The following PTPRZ1 variants were observed in gnomAD, a reference collection of about 807,000 sequenced individuals.
The protein encoded by PTPRZ1 is receptor-type tyrosine-protein phosphatase zeta.
A neutral mutation model predicts 214.1 loss-of-function variants in PTPRZ1; 82 were observed. That is an observed-to-expected ratio of 0.38 (90% CI 0.32 to 0.46). The LOEUF is 0.46. Ranked by LOEUF, PTPRZ1 falls within the 20% of genes least tolerant of loss-of-function variation. The pLI, the probability that PTPRZ1 is intolerant of heterozygous loss-of-function variation, is 1.00. For missense variants in PTPRZ1, 2,603 were observed against 2,748.7 expected (o/e 0.95, Z 1.19); for synonymous variants, 945 against 987.9 (o/e 0.96, Z 0.81).
intron 1 of PTPRZ1, among the ~76,000 whole-genome samples, chr7:121,920,991 A>T (rs1308060225): frequency 6.6e-6 from 1 of 152,134 alleles, no homozygotes; most frequent in African/African-American, 2.4e-5. Context: ...AGAGAAACAT[A>T]CATGCATGGG....
At position 122,034,123 on chromosome 7, in the gene PTPRZ1, A is replaced by G; in HGVS notation, c.5187+8A>G. 2 of 1,594,170 alleles carry G rather than the reference A, an allele frequency of 1.3e-6. No individual in the cohort carries two copies. The highest frequency in any genetic ancestry group is 1.7e-6 in the Non-Finnish European group (2 of 1,162,592). On this transcript the variant is annotated splice_region_variant and intron_variant, in intron 16 of 29. Coordinates refer to ENST00000393386, the MANE Select transcript of PTPRZ1 (RefSeq NM_002851.3). ...CTGAAAGAGTTTTACCAGGTAAGGC[A>G]TTATTTCACTGCATTTTCTTTTAGC...
rs115344019 is a variant in PTPRZ1, at chr7:122,048,661, A to G, written c.6085-2767A>G. On this transcript the variant is annotated intron_variant, in intron 23 of 29. Transcript: ENST00000393386. ...GAAATGAAAACTAAAAAGAATTTTT[A>G]AAGGAAAAATATAATGAAAATACAC... Among the ~76,000 whole-genome samples, 780 of 152,272 alleles carry G rather than the reference A, an allele frequency of 5.1e-3. 11 individuals are homozygous for G. The highest frequency in any genetic ancestry group is 0.017 in the African/African-American group (717 of 41,568).
At chr7:121,947,851 G>A (rs1018372709) in intron 2 of PTPRZ1, among the ~76,000 whole-genome samples, 39 of 151,994 alleles carry the variant, frequency 2.6e-4, no homozygotes, top group African/African-American at 8.2e-4. Flanking sequence ...CTTTTAATGT[G>A]CATACTGAAA....
At chr7:122,017,538 CATTT>C (rs3069214) in intron 12 of PTPRZ1, among the ~76,000 whole-genome samples, 3,479 of 140,146 alleles carry the variant, frequency 0.025, 102 homozygotes, top group Non-Finnish European at 0.029. Context: ...TGATACATTA[CATTT>C]ATTTATTTAT....
rs150730018 is a variant in PTPRZ1 at position 122,010,546 on chromosome 7, A to C, written c.1500A>C (p.Leu500Phe). 6.2e-7 allele frequency: 1 copy of C among 1,613,438 alleles called. No individual in the cohort carries two copies. The highest frequency in any genetic ancestry group is 8.5e-7 in the Non-Finnish European group (1 of 1,179,420). Residue 500 changes from leucine to phenylalanine, a missense_variant, in exon 12 of 30, where the codon TTA (leucine) becomes TTC (phenylalanine). By Grantham distance (22) the Leu-to-Phe change is conservative. Transcript: ENST00000393386. ...AGGGTGATGTTCCCAATACATCTTT[A>C]AATTCCACTTCCCAACCAGTCACTA... ...SGKGDVPNTS[L>F]NSTSQPVTKL... is the part of the protein sequence containing the mutation.
In PTPRZ1 at chr7:122,011,789, G is replaced by T; in HGVS notation, c.2743G>T (p.Ala915Ser). 1 of 1,614,120 alleles carries T rather than the reference G, an allele frequency of 6.2e-7. No homozygotes were observed. The highest frequency in any genetic ancestry group is 8.5e-7 in the Non-Finnish European group (1 of 1,179,976). Residue 915 changes from alanine to serine, a missense_variant, in exon 12 of 30, where the codon GCC becomes TCC. This residue lies in a region of PTPRZ1 where 1,913 missense variants were observed against 1,914.3 expected (regional missense o/e 1.00). Coordinates refer to ENST00000393386, the MANE Select transcript of PTPRZ1 (RefSeq NM_002851.3). ...TCAAGTTGAACCACCCAGCAGTGATGCCATGATGCATGCACGTTCTTCAGG... is the reference window on the plus strand; with the variant it reads ...TCAAGTTGAACCACCCAGCAGTGATTCCATGATGCATGCACGTTCTTCAGG... ...FSQVEPPSSD[A>S]MMHARSSGPE...
chr7:121,967,640 AAGTT>A (rs1487904165), intron 2 of PTPRZ1, among the ~76,000 whole-genome samples: 1 of 152,188 alleles, frequency 6.6e-6, no homozygotes. Context: ...GCTTGCATAA[AAGTT>A]AGTTCTCATT....
intron 25 of PTPRZ1, among the ~76,000 whole-genome samples, chr7:122,053,687 C>T (rs1192981370): frequency 1.3e-5 from 2 of 151,988 alleles, no homozygotes; most frequent in African/African-American, 4.8e-5. Flanking sequence ...CACAGTATTG[C>T]TGTGAGGAAC....
At chr7:121,878,325 C>T (rs928794931) in intron 1 of PTPRZ1, among the ~76,000 whole-genome samples, 14 of 152,178 alleles carry the variant, frequency 9.2e-5, no homozygotes, top group Non-Finnish European at 1.8e-4. Flanking sequence ...TGGAACATCT[C>T]CATCTGGCAG....
intron 13 of PTPRZ1, among the ~76,000 whole-genome samples, chr7:122,027,841 T>A (rs1799247488): frequency 2.0e-5 from 3 of 152,198 alleles, no homozygotes; most frequent in Admixed American, 2.0e-4. Flanking sequence ...ATATTCATTC[T>A]CGAAACCCTC....
chr7:121,911,599 T>C (rs1795279482), intron 1 of PTPRZ1, among the ~76,000 whole-genome samples: 1 of 152,104 alleles, frequency 6.6e-6, no homozygotes, highest in Admixed American at 6.6e-5. Flanking sequence ...ATTCTTAACT[T>C]CTTCCTTCTC....
rs1043438116 is a variant in PTPRZ1, at chr7:122,031,680, G to A, written c.5166+121G>A. ...CCATTTGCACTTCTAGTAAAAATAT[G>A]AGTTCCATAATTACATATGTGTTTA... On this transcript the variant is annotated intron_variant, in intron 15 of 29. Coordinates refer to ENST00000393386, the MANE Select transcript of PTPRZ1 (RefSeq NM_002851.3). 1.1e-5 allele frequency: 7 copies of A among 612,082 alleles called. No homozygotes were observed. In the South Asian group the frequency reaches 1.3e-4, roughly 11 times the overall value. 37.9% of individuals were successfully genotyped at this position (612,082 alleles called of 1,614,324 possible).
At chr7:122,017,112 G>A (rs1268408049) in intron 12 of PTPRZ1, among the ~76,000 whole-genome samples, 2 of 152,108 alleles carry the variant, frequency 1.3e-5, no homozygotes, top group Non-Finnish European at 2.9e-5. Context: ...CAAGGACTTT[G>A]CTAAGTGAAT....
At chr7:121,876,168 T>C (rs1049513562) in intron 1 of PTPRZ1, among the ~76,000 whole-genome samples, 1 of 152,198 alleles carries the variant, frequency 6.6e-6, no homozygotes, top group Admixed American at 6.5e-5. Context: ...CAAATAACTT[T>C]CCAGACAAAA....
chr7:121,922,410 A>C (rs1227629761), intron 1 of PTPRZ1, among the ~76,000 whole-genome samples: 1 of 152,068 alleles, frequency 6.6e-6, no homozygotes, highest in South Asian at 2.1e-4. Flanking sequence ...TAAAAAAATT[A>C]GCTGGGCATG....
At chr7:122,019,998 CAT>C (rs1448849787) in intron 13 of PTPRZ1, among the ~76,000 whole-genome samples, 18 of 152,190 alleles carry the variant, frequency 1.2e-4, no homozygotes, top group Admixed American at 3.3e-4. Context: ...TATAAGGAAT[CAT>C]ATGTGTAAAC....
chr7:121,996,794 A>G (rs1324094568), intron 9 of PTPRZ1, among the ~76,000 whole-genome samples: 1 of 152,234 alleles, frequency 6.6e-6, no homozygotes, highest in Non-Finnish European at 1.5e-5. Flanking sequence ...TTTGCCAACA[A>G]TAACACTATA....
chr7:122,011,472 C>G lies in PTPRZ1; in HGVS notation c.2426C>G (p.Ser809Cys). The G allele has an allele frequency of 6.2e-7, 1 of 1,614,040 alleles. No individual in the cohort carries two copies. ...CCCAGTGTCGATGTGTCATTTGAAT[C>G]CATCCTGTCTTCCTATGATGGTGCA... is the stretch of plus-strand genomic sequence containing the variant. ...VFPSVDVSFE[S>C]ILSSYDGAPL... The change falls in exon 12 of 30, where the codon TCC (serine) becomes TGC (cysteine). Residue 809 changes from serine to cysteine, a missense_variant. This residue lies in a region of PTPRZ1 where 1,913 missense variants were observed against 1,914.3 expected (regional missense o/e 1.00). Coordinates refer to ENST00000393386, the MANE Select transcript of PTPRZ1 (RefSeq NM_002851.3).
At chr7:122,001,483 G>T (rs1221964407) in intron 10 of PTPRZ1, among the ~76,000 whole-genome samples, 1 of 152,130 alleles carries the variant, frequency 6.6e-6, no homozygotes, top group Non-Finnish European at 1.5e-5. Flanking sequence ...TCTTGTTACT[G>T]TGTGCTTTCA....
Sources: allele counts gnomAD v4.1 joint callset (sites outside exome capture counted in the v4.1 genomes callset), GRCh38; gene constraint gnomAD v4.1.1; regional missense constraint gnomAD v4.1.1; transcripts MANE v1.5; gene names NCBI Gene and HGNC (gene_info 2026-07-23, HGNC 2026-07-21).